Variants in KIAA1328 observed in about 807,000 individuals in gnomAD.
The protein encoded by KIAA1328 is KIAA1328.
A neutral mutation model predicts 68.1 loss-of-function variants in KIAA1328; 52 were observed. The ratio of observed to expected loss-of-function variants is 0.76; its 90% CI spans 0.61 to 0.96. KIAA1328 has a LOEUF of 0.96. Among genes scored for constraint, KIAA1328 ranks in the 40% least tolerant of loss-of-function variants. The probability of loss-of-function intolerance (pLI) is 0.00; values close to 1 mark genes in which losing one functional copy is unlikely to be tolerated. For synonymous variants in KIAA1328, 232 were observed against 239.4 expected, an observed-to-expected ratio of 0.97 and a Z score of 0.28; for missense variants, 641 against 677.6, an observed-to-expected ratio of 0.95 and a Z score of 0.60.
rs1283738634 is a variant in KIAA1328 at position 37,222,348 on chromosome 18, T to G, written c.*121T>G. ...TTCACGGGGACTTGTCTCACTAGCA[T>G]CCTGTTACGTATTGAATATAGAAAT... On this transcript the variant is annotated 3_prime_UTR_variant, in exon 10 of 10. Transcript: ENST00000280020. The G allele has an allele frequency of 1.4e-6, 2 of 1,479,366 alleles. No individual in the cohort carries two copies. Among genetic ancestry groups the G allele is most frequent in the African/African-American group, 1.4e-5 (1 of 70,846 alleles). 91.6% of individuals were successfully genotyped at this position (1,479,366 alleles called of 1,614,324 possible). A position where few individuals can be genotyped will look rare whatever the true frequency, so the allele number is the denominator to read the frequency against.
At chr18:36,859,042 T>A (rs971208015) in intron 4 of KIAA1328, among the ~76,000 whole-genome samples, 5 of 152,178 alleles carry the variant, frequency 3.3e-5, no homozygotes, top group African/African-American at 1.2e-4. Flanking sequence ...TACATACAAC[T>A]TCATGGGCAA....
rs1179593704 is a variant in KIAA1328 at position 37,222,305 on chromosome 18, A to G, written c.*78A>G. On this transcript the variant is annotated 3_prime_UTR_variant, in exon 10 of 10. Coordinates refer to ENST00000280020, the MANE Select transcript of KIAA1328 (RefSeq NM_020776.3). ...AGGATTTTAAATTATTTCATTGCAA[A>G]GTAATTGTGTCTCTCCTTTCACGGG... The G allele has an allele frequency of 2.6e-6, 4 of 1,529,220 alleles. No individual in the cohort carries two copies. The African/African-American group carries it at 5.5e-5, about 21-fold the overall frequency. The allele number at this position is 1,529,220 out of a possible 1,614,324, so 94.7% of individuals were successfully genotyped here.
At chr18:36,918,067 C>T (rs1598707895) in intron 5 of KIAA1328, among the ~76,000 whole-genome samples, 2 of 151,882 alleles carry the variant, frequency 1.3e-5, no homozygotes, top group East Asian at 3.9e-4. Flanking sequence ...GAGACGACTT[C>T]ATCATTACAG....
intron 7 of KIAA1328, among the ~76,000 whole-genome samples, chr18:37,097,750 T>C (rs944584121): frequency 2.0e-5 from 3 of 152,182 alleles, no homozygotes; most frequent in Non-Finnish European, 2.9e-5. Flanking sequence ...TTTATTTCAT[T>C]GAGCAGTGGT....
intron 6 of KIAA1328, among the ~76,000 whole-genome samples, chr18:37,009,213 A>G (rs1467592006): frequency 6.6e-6 from 1 of 152,108 alleles, no homozygotes; most frequent in Non-Finnish European, 1.5e-5. Flanking sequence ...CTTACCTATT[A>G]TCCATTTTTT....
Position 37,224,260 on chromosome 18 carries a change from G to A in KIAA1328, c.*2033G>A. The A allele has an allele frequency of 1.0e-6, 1 of 985,386 alleles. No individual in the cohort carries two copies. The highest frequency in any genetic ancestry group is 6.1e-5 in the Admixed American group (1 of 16,280). The allele number at this position is 985,386 out of a possible 1,614,324, so 61.0% of individuals were successfully genotyped here. A position where few individuals can be genotyped will look rare whatever the true frequency, so the allele number is the denominator to read the frequency against. On this transcript the variant is annotated 3_prime_UTR_variant, in exon 10 of 10. Transcript: ENST00000280020. ...GAGGATGCCAGAGGATCAAGAAAAG[G>A]ATCACAGTTTCTTGAAGAAGCTTGT...
At chr18:37,103,162 T>C (rs897662057) in intron 7 of KIAA1328, among the ~76,000 whole-genome samples, 3 of 152,156 alleles carry the variant, frequency 2.0e-5, no homozygotes, top group Non-Finnish European at 2.9e-5. Context: ...ATATAAAATA[T>C]AAATCTTAAA....
At chr18:37,100,253 G>A (rs924248643) in intron 7 of KIAA1328, among the ~76,000 whole-genome samples, 5 of 152,186 alleles carry the variant, frequency 3.3e-5, no homozygotes, top group Admixed American at 1.3e-4. Flanking sequence ...CAAGGGGTCA[G>A]GCAATTCCCT....
intron 5 of KIAA1328, among the ~76,000 whole-genome samples, chr18:36,933,072 C>T (rs765118771): frequency 6.6e-6 from 1 of 152,006 alleles, no homozygotes; most frequent in Non-Finnish European, 1.5e-5. Flanking sequence ...CTAATCTCAC[C>T]TTAATGATTT....
chr18:36,958,352 G>A (rs984895878), intron 5 of KIAA1328, among the ~76,000 whole-genome samples: 2 of 152,022 alleles, frequency 1.3e-5, no homozygotes, highest in African/African-American at 4.8e-5. Flanking sequence ...CACTTCTCTT[G>A]AGTATATACC....
intron 7 of KIAA1328, among the ~76,000 whole-genome samples, chr18:37,110,007 C>A (rs142088189): frequency 0.015 from 2,269 of 151,672 alleles, 34 homozygotes; most frequent in Non-Finnish European, 0.022. Context: ...ACATTATTTC[C>A]CAGGAGACAG....
At chr18:37,218,831 A>G (rs1176953305) in intron 9 of KIAA1328, among the ~76,000 whole-genome samples, 1 of 152,236 alleles carries the variant, frequency 6.6e-6, no homozygotes, top group Non-Finnish European at 1.5e-5. Flanking sequence ...TGTCAAAGTT[A>G]TTCTCTGTCC....
At chr18:36,875,440 A>G (rs538576400) in intron 4 of KIAA1328, among the ~76,000 whole-genome samples, 2 of 152,088 alleles carry the variant, frequency 1.3e-5, no homozygotes, top group Non-Finnish European at 2.9e-5. Context: ...GGTGAATGGG[A>G]GTTCACTCAT....
intron 6 of KIAA1328, among the ~76,000 whole-genome samples, chr18:36,979,267 T>G (rs148125934): frequency 1.3e-5 from 2 of 152,264 alleles, no homozygotes; most frequent in African/African-American, 4.8e-5. Flanking sequence ...AACCTTAAAG[T>G]TGAACCTCCA....
chr18:36,954,109 TCTC>T (rs2051298213), intron 5 of KIAA1328, among the ~76,000 whole-genome samples: 1 of 149,706 alleles, frequency 6.7e-6, no homozygotes, highest in Admixed American at 6.8e-5. Context: ...TTCACGCCAT[TCTC>T]CTGCCTCAGT....
chr18:36,918,888 T>C (rs79975034), intron 5 of KIAA1328, among the ~76,000 whole-genome samples: 6,089 of 152,270 alleles, frequency 0.04, 421 homozygotes, highest in African/African-American at 0.14. Context: ...GTTACTGATT[T>C]TTTACTGTTA....
chr18:36,914,591 G>T (rs1340400659), intron 5 of KIAA1328, among the ~76,000 whole-genome samples: 2 of 151,886 alleles, frequency 1.3e-5, no homozygotes, highest in African/African-American at 4.8e-5. Flanking sequence ...GCAGTGGCGG[G>T]TGCCTGTAAT....
intron 4 of KIAA1328, among the ~76,000 whole-genome samples, chr18:36,848,875 GTTTAA>G (rs1348205473): frequency 6.6e-6 from 1 of 151,194 alleles, no homozygotes; most frequent in Non-Finnish European, 1.5e-5. Context: ...ATTTTTGAAT[GTTTAA>G]TTTACCTTGT....
intron 6 of KIAA1328, among the ~76,000 whole-genome samples, chr18:37,031,812 A>G (rs544636156): frequency 2.0e-5 from 3 of 151,802 alleles, no homozygotes; most frequent in South Asian, 4.2e-4. Flanking sequence ...TCTATTCTAT[A>G]CTCACTGTCT....
Sources: gnomAD v4.1 joint callset for allele counts (sites outside exome capture counted in the v4.1 genomes callset) on GRCh38, gnomAD v4.1.1 for gene constraint, MANE v1.5 for transcripts, NCBI Gene and HGNC (gene_info 2026-07-23, HGNC 2026-07-21) for gene names.